The following BCAR3 variants were observed in gnomAD, a reference collection of about 807,000 sequenced individuals.
BCAR3 encodes the protein BCAR3 adaptor protein, NSP family member.
A neutral mutation model predicts 80.1 loss-of-function variants in BCAR3; 37 were observed. That is an observed-to-expected ratio of 0.46 (90% CI 0.36 to 0.61). The LOEUF (loss-of-function observed/expected upper bound fraction) is 0.61. BCAR3 is among the 20% of genes least tolerant of loss of function. The probability of loss-of-function intolerance (pLI) is 0.00; values close to 1 mark genes in which losing one functional copy is unlikely to be tolerated. For synonymous variants in BCAR3, 389 were observed against 418.9 expected, an observed-to-expected ratio of 0.93 and a Z score of 0.87; for missense variants, 978 against 1,068.2, an observed-to-expected ratio of 0.92 and a Z score of 1.18.
At chr1:93,626,146 C>T (rs1006070234) in intron 3 of BCAR3, among the ~76,000 whole-genome samples, 2 of 152,172 alleles carry the variant, frequency 1.3e-5, no homozygotes, top group African/African-American at 4.8e-5. Flanking sequence ...CCAGAGGTGT[C>T]ACAATCCACT....
At chr1:93,635,406 G>A (rs1024393544) in intron 3 of BCAR3, among the ~76,000 whole-genome samples, 4 of 152,114 alleles carry the variant, frequency 2.6e-5, no homozygotes, top group Non-Finnish European at 5.9e-5. Context: ...TTTTCATAAG[G>A]TTTTACTCTT....
chr1:93,610,820 GCCTGTAAT>G (rs1195448283), intron 3 of BCAR3, among the ~76,000 whole-genome samples: 1 of 151,990 alleles, frequency 6.6e-6, no homozygotes, highest in Non-Finnish European at 1.5e-5. Flanking sequence ...GGTGGTGGGT[GCCTGTAAT>G]CCCAGCTACT....
chr1:93,811,460 G>A (rs889118143), intron 2 of BCAR3, among the ~76,000 whole-genome samples: 6 of 152,222 alleles, frequency 3.9e-5, no homozygotes, highest in African/African-American at 1.4e-4. Context: ...GCACACAGCT[G>A]CTAAGTATCA....
chr1:93,845,502 A>ATATATGTCATGTTGTCAAG lies in BCAR3; in HGVS notation c.-63+64_-63+65insCTTGACAACATGACATATA. ...TATATATATATATATATATATATAT[A>ATATATGTCATGTTGTCAAG]AAACTTTGTTTACATTAGAGTATAA... On this transcript the variant is annotated intron_variant, in intron 2 of 13. Transcript: ENST00000370244. 1.8e-5 allele frequency: 2 copies of ATATATGTCATGTTGTCAAG among 113,822 alleles called. 1 individual carries two copies. The highest frequency in any genetic ancestry group is 7.0e-5 in the African/African-American group (2 of 28,374). 7.1% of individuals were successfully genotyped at this position (113,822 alleles called of 1,614,324 possible). A position where few individuals can be genotyped will look rare whatever the true frequency, so the allele number is the denominator to read the frequency against.
At chr1:93,688,928 T>C (rs1649070460) in intron 3 of BCAR3, among the ~76,000 whole-genome samples, 1 of 151,904 alleles carries the variant, frequency 6.6e-6, no homozygotes, top group South Asian at 2.1e-4. Flanking sequence ...TGAGCCACCA[T>C]GCCTGGCCAG....
chr1:93,680,913 ACG>A (rs1242001049), intron 1 of BCAR3, among the ~76,000 whole-genome samples: 1 of 152,116 alleles, frequency 6.6e-6, no homozygotes, highest in Non-Finnish European at 1.5e-5. Context: ...GTTGGGCTGT[ACG>A]ATCTATCGGA....
chr1:93,772,929 G>T (rs1571116125), intron 2 of BCAR3, among the ~76,000 whole-genome samples: 1 of 151,976 alleles, frequency 6.6e-6, no homozygotes, highest in Non-Finnish European at 1.5e-5. Context: ...TTTACTTAAG[G>T]GGAAGTACTG....
intron 2 of BCAR3, among the ~76,000 whole-genome samples, chr1:93,840,446 A>G (rs1382167572): frequency 6.6e-6 from 1 of 152,182 alleles, no homozygotes; most frequent in Non-Finnish European, 1.5e-5. Flanking sequence ...ATTATTTTCA[A>G]CTGCTAAACA....
At chr1:93,742,891 AAAG>A (rs1015203004) in intron 2 of BCAR3, among the ~76,000 whole-genome samples, 4 of 152,230 alleles carry the variant, frequency 2.6e-5, no homozygotes, top group African/African-American at 9.6e-5. Flanking sequence ...GTCATCATAT[AAAG>A]AAGGGAACTG....
chr1:93,610,892 T>C (rs894258197), intron 3 of BCAR3, among the ~76,000 whole-genome samples: 10 of 151,954 alleles, frequency 6.6e-5, no homozygotes, highest in South Asian at 4.2e-4. Flanking sequence ...GATCACGCCA[T>C]TGCACTCCAG....
At chr1:93,628,523 G>A (rs1292597599) in intron 3 of BCAR3, among the ~76,000 whole-genome samples, 1 of 152,088 alleles carries the variant, frequency 6.6e-6, no homozygotes, top group Non-Finnish European at 1.5e-5. Flanking sequence ...TGGCCTCCTC[G>A]TTCCTCCATG....
chr1:93,750,074 A>G, intron 2 of BCAR3, among the ~76,000 whole-genome samples: 1 of 152,204 alleles, frequency 6.6e-6, no homozygotes, highest in Middle Eastern at 3.2e-3. Flanking sequence ...AGACCAAAGA[A>G]TCTAAAATTA....
intron 2 of BCAR3, among the ~76,000 whole-genome samples, chr1:93,815,837 C>T (rs1653999174): frequency 6.6e-6 from 1 of 152,142 alleles, no homozygotes; most frequent in African/African-American, 2.4e-5. Flanking sequence ...TATTAGGTAG[C>T]AACCACACTT....
intron 2 of BCAR3, among the ~76,000 whole-genome samples, chr1:93,762,805 A>ACT (rs144606424): frequency 2.0e-5 from 3 of 146,418 alleles, no homozygotes; most frequent in Non-Finnish European, 4.5e-5. Flanking sequence ...TGCCTCACCC[A>ACT]CTCTCTCTCT....
In BCAR3 at chr1:93,762,074, A is replaced by G. The variant is rs41430846; in HGVS notation, c.-62-55932T>C. Among the ~76,000 whole-genome samples the G allele has an allele frequency of 9.1e-3, 1,380 of 152,276 alleles. 49 individuals are homozygous for G. Among genetic ancestry groups the G allele is most frequent in the East Asian group, 0.057 (296 of 5,180 alleles). On this transcript the variant is annotated intron_variant, in intron 2 of 13. Coordinates refer to the BCAR3 transcript ENST00000370244. Reference sequence around the variant, plus strand: ...GTCACCAGGGTCCCACAGAAGCAGAATATGTGCTCTAAGTATCACAAAGTA... The same window carrying G: ...GTCACCAGGGTCCCACAGAAGCAGAGTATGTGCTCTAAGTATCACAAAGTA...
chr1:93,642,661 A>G lies in BCAR3; in HGVS notation c.318-318T>C, dbSNP rs142395466. Among the ~76,000 whole-genome samples the G allele has an allele frequency of 4.1e-3, 627 of 152,350 alleles. 9 individuals are homozygous for G. Among genetic ancestry groups the G allele is most frequent in the African/African-American group, 0.015 (611 of 41,584 alleles). On this transcript the variant is annotated intron_variant, in intron 2 of 11. Coordinates refer to ENST00000260502, the MANE Select transcript of BCAR3 (RefSeq NM_003567.4). ...GCTCAGGGGAGGGCAGAGGTGGGAG[A>G]CAGGCAGGACTGGGTACGGGAACGT...
intron 3 of BCAR3, among the ~76,000 whole-genome samples, chr1:93,603,422 A>T (rs749269141): frequency 1.3e-5 from 2 of 152,216 alleles, no homozygotes; most frequent in Non-Finnish European, 2.9e-5. Context: ...TTCACTCAAG[A>T]GGCACTCTAC....
At chr1:93,699,461 T>C (rs1649558822) in intron 3 of BCAR3, among the ~76,000 whole-genome samples, 1 of 152,100 alleles carries the variant, frequency 6.6e-6, no homozygotes. Context: ...CCTCGAGGAT[T>C]TCTGTAGGGG....
intron 2 of BCAR3, among the ~76,000 whole-genome samples, chr1:93,809,079 G>A (rs1392232894): frequency 1.3e-5 from 2 of 152,126 alleles, no homozygotes; most frequent in South Asian, 2.1e-4. Flanking sequence ...GGTGCCAAGT[G>A]CTCCTTTGAC....
Sources: gnomAD v4.1 joint callset for allele counts (sites outside exome capture counted in the v4.1 genomes callset) on GRCh38, gnomAD v4.1.1 for gene constraint, MANE v1.5 for transcripts, NCBI Gene and HGNC (gene_info 2026-07-23, HGNC 2026-07-21) for gene names.